The following ANO10 variants were observed in gnomAD, a reference collection of about 807,000 sequenced individuals.
ANO10 encodes the protein anoctamin 10.
A neutral mutation model predicts 74.7 loss-of-function variants in ANO10; 77 were observed. The observed-to-expected ratio is 1.03, with a 90% CI of 0.86 to 1.25. The LOEUF (loss-of-function observed/expected upper bound fraction) is 1.25, where lower values mean the gene tolerates loss of function less well. Ranked by LOEUF, ANO10 falls within the 50% of genes most tolerant of loss-of-function variation. ANO10 has a pLI of 0.00. For synonymous variants in ANO10, 279 were observed against 284.9 expected, an observed-to-expected ratio of 0.98 and a Z score of 0.21; for missense variants, 721 against 778.1, an observed-to-expected ratio of 0.93 and a Z score of 0.87.
At chr3:43,675,746 G>A (rs1375341689) in intron 1 of ANO10, among the ~76,000 whole-genome samples, 1 of 152,052 alleles carries the variant, frequency 6.6e-6, no homozygotes, top group Non-Finnish European at 1.5e-5. Flanking sequence ...CATCAGAATG[G>A]CTAAAATAAA....
intron 11 of ANO10, among the ~76,000 whole-genome samples, chr3:43,504,528 T>C (rs1352106899): frequency 6.6e-6 from 1 of 152,284 alleles, no homozygotes; most frequent in South Asian, 2.1e-4. Flanking sequence ...TATAATGGCA[T>C]AGTTTTCTGC....
chr3:43,578,129 C>T (rs80232160), intron 5 of ANO10, among the ~76,000 whole-genome samples: 2,851 of 152,178 alleles, frequency 0.019, 79 homozygotes, highest in African/African-American at 0.063. Context: ...GAGCAGTCTA[C>T]AAAAATGAGT....
intron 7 of ANO10, among the ~76,000 whole-genome samples, chr3:43,567,885 G>A (rs560194531): frequency 6.6e-6 from 1 of 151,954 alleles, no homozygotes; most frequent in Non-Finnish European, 1.5e-5. Context: ...AGACACAGAC[G>A]GGCAAACTGG....
chr3:43,520,131 T>C (rs1200996910), intron 11 of ANO10, among the ~76,000 whole-genome samples: 1 of 152,174 alleles, frequency 6.6e-6, no homozygotes, highest in Admixed American at 6.6e-5. Flanking sequence ...GTTGGAGTTA[T>C]ATGTGCCCCT....
chr3:43,384,211 T>C lies in ANO10; in HGVS notation c.1915-17237A>G, dbSNP rs534235185. Reference sequence around the variant, plus strand: ...AAGAAAAGTAAAATACTTAGGAATATACCTAACCAAGGAGGTGAAAGACCT... The same window carrying C: ...AAGAAAAGTAAAATACTTAGGAATACACCTAACCAAGGAGGTGAAAGACCT... On this transcript the variant is annotated intron_variant, in intron 12 of 12. Coordinates refer to ENST00000292246, the MANE Select transcript of ANO10 (RefSeq NM_018075.5). 2.8e-4 allele frequency among the ~76,000 whole-genome samples: 42 copies of C among 151,432 alleles called. 1 individual carries two copies. The highest frequency in any genetic ancestry group is 9.7e-4 in the African/African-American group (40 of 41,304).
chr3:43,432,704 A>C lies in ANO10; in HGVS notation c.1821T>G (p.Phe607Leu). ...AVEHALLALKFILAFAIPDKP... is the reference protein window; with the variant it reads ...AVEHALLALKLILAFAIPDKP... ...TATCAGGTATGGCAAATGCAAGTAT[A>C]AACTTTAAAGCCAGGAGTGCGTGCT... Residue 607 changes from phenylalanine (F) to leucine (L), a missense_variant, in exon 12 of 13, where the codon TTT becomes TTG. Phe to Leu is a conservative substitution (Grantham distance 22). Transcript: ENST00000292246. 1 of 1,613,798 alleles carries C rather than the reference A, an allele frequency of 6.2e-7. No individual in the cohort carries two copies.
intron 11 of ANO10, among the ~76,000 whole-genome samples, chr3:43,470,561 G>A (rs1325004545): frequency 6.6e-6 from 1 of 151,580 alleles, no homozygotes; most frequent in East Asian, 1.9e-4. Context: ...TCGATCTCCT[G>A]ACCTCATGAT....
intron 11 of ANO10, among the ~76,000 whole-genome samples, chr3:43,518,699 G>C (rs112255368): frequency 6.6e-6 from 1 of 152,090 alleles, no homozygotes; most frequent in African/African-American, 2.4e-5. Flanking sequence ...CTTATATGTC[G>C]ATAAGGGATG....
chr3:43,659,983 G>A (rs1046942430), intron 1 of ANO10, among the ~76,000 whole-genome samples: 34 of 151,880 alleles, frequency 2.2e-4, no homozygotes, highest in African/African-American at 8.2e-4. Flanking sequence ...ACAGGACTCC[G>A]ACAGACCTGC....
At chr3:43,558,952 A>AC (rs1344310264) in intron 9 of ANO10, among the ~76,000 whole-genome samples, 2 of 152,220 alleles carry the variant, frequency 1.3e-5, no homozygotes, top group African/African-American at 4.8e-5. Flanking sequence ...TCAGTCACAG[A>AC]CCCAGAGCCT....
chr3:43,478,762 G>A (rs2149079331), intron 11 of ANO10, among the ~76,000 whole-genome samples: 2 of 152,312 alleles, frequency 1.3e-5, no homozygotes, highest in Non-Finnish European at 2.9e-5. Flanking sequence ...ATATGTAGCA[G>A]ATAATTCAAT....
intron 11 of ANO10, among the ~76,000 whole-genome samples, chr3:43,462,817 G>A (rs2149031288): frequency 6.6e-6 from 1 of 152,310 alleles, no homozygotes; most frequent in South Asian, 2.1e-4. Flanking sequence ...TGCAGCCTAG[G>A]GACTTGGTGC....
chr3:43,573,090 A>C (rs1260372080), intron 7 of ANO10, among the ~76,000 whole-genome samples: 1 of 152,070 alleles, frequency 6.6e-6, no homozygotes, highest in East Asian at 1.9e-4. Flanking sequence ...TAAGACAAAC[A>C]ATGTTTTTAC....
At chr3:43,564,101 C>T (rs958234238) in intron 8 of ANO10, among the ~76,000 whole-genome samples, 2 of 151,870 alleles carry the variant, frequency 1.3e-5, no homozygotes, top group African/African-American at 2.4e-5. Flanking sequence ...GGCGTGATCA[C>T]AGTTCACTGC....
At chr3:43,526,155 G>T (rs1462317590) in intron 11 of ANO10, among the ~76,000 whole-genome samples, 1 of 152,122 alleles carries the variant, frequency 6.6e-6, no homozygotes, top group Non-Finnish European at 1.5e-5. Context: ...TTTAGTCAGG[G>T]ACATGACTAA....
intron 12 of ANO10, among the ~76,000 whole-genome samples, chr3:43,414,694 C>A (rs998799117): frequency 6.6e-6 from 1 of 152,138 alleles, no homozygotes; most frequent in Non-Finnish European, 1.5e-5. Flanking sequence ...CCAGAAAGCA[C>A]GTAATTTTCC....
chr3:43,502,296 A>G (rs146785987), intron 11 of ANO10, among the ~76,000 whole-genome samples: 349 of 152,262 alleles, frequency 2.3e-3, no homozygotes, highest in Non-Finnish European at 3.8e-3. Flanking sequence ...GATCCCTGAT[A>G]TTGGAGATGG....
At chr3:43,662,978 T>C (rs2083944337) in intron 1 of ANO10, among the ~76,000 whole-genome samples, 6 of 152,202 alleles carry the variant, frequency 3.9e-5, no homozygotes, top group African/African-American at 1.4e-4. Context: ...GAGGAGCTGG[T>C]ACCATTCCTT....
At chr3:43,556,434 G>A (rs2079753098) in intron 9 of ANO10, among the ~76,000 whole-genome samples, 1 of 152,042 alleles carries the variant, frequency 6.6e-6, no homozygotes, top group African/African-American at 2.4e-5. Context: ...AAACACAGCA[G>A]CGTGCTCCAC....
Sources: allele counts gnomAD v4.1 joint callset (sites outside exome capture counted in the v4.1 genomes callset), GRCh38; gene constraint gnomAD v4.1.1; transcripts MANE v1.5; gene names NCBI Gene and HGNC (gene_info 2026-07-23, HGNC 2026-07-21).